CSMD1: variants seen among roughly 807,000 people sequenced by gnomAD.
CSMD1 encodes CUB and Sushi multiple domains 1, also known as CUB and sushi domain-containing protein 1.
A neutral mutation model predicts 417.5 loss-of-function variants in CSMD1; 213 were observed. The observed-to-expected ratio is 0.51, with a 90% CI of 0.46 to 0.57. CSMD1 has a LOEUF of 0.57. Ranked by LOEUF, CSMD1 falls within the 20% of genes least tolerant of loss-of-function variation. CSMD1 has a pLI of 0.00. For synonymous variants in CSMD1, 2,862 were observed against 1,736.8 expected, an observed-to-expected ratio of 1.65 and a Z score of -16.11; for missense variants, 6,923 against 4,529.7, an observed-to-expected ratio of 1.53 and a Z score of -15.17.
At position 3,438,872 on chromosome 8, in the gene CSMD1, T is replaced by C. The variant is rs921919882; in HGVS notation, c.1562-29267A>G. Among the ~76,000 whole-genome samples the C allele has an allele frequency of 4.6e-5, 7 of 151,732 alleles. 1 individual carries two copies. Among genetic ancestry groups the C allele is most frequent in the Non-Finnish European group, 8.8e-5 (6 of 67,966 alleles). ...GGCTTGCACCTGTAATCCCAGCACT[T>C]TGGGAGGCCAAGGCAGGTGGATCAC... On this transcript the variant is annotated intron_variant, in intron 12 of 69. Transcript: ENST00000635120.
At chr8:4,291,476 TCTA>T (rs918983232) in intron 3 of CSMD1, among the ~76,000 whole-genome samples, 4 of 152,158 alleles carry the variant, frequency 2.6e-5, no homozygotes, top group Non-Finnish European at 5.9e-5. Flanking sequence ...TTCTTTTTTA[TCTA>T]CTAATTCCCA....
chr8:4,212,245 A>G (rs577043678), intron 3 of CSMD1, among the ~76,000 whole-genome samples: 2 of 151,480 alleles, frequency 1.3e-5, no homozygotes, highest in East Asian at 3.9e-4. Flanking sequence ...CTAATTTTGC[A>G]TCCTTTAACT....
At chr8:3,890,114 T>C (rs1806857832) in intron 5 of CSMD1, among the ~76,000 whole-genome samples, 1 of 152,222 alleles carries the variant, frequency 6.6e-6, no homozygotes, top group Non-Finnish European at 1.5e-5. Context: ...TCTGATAATA[T>C]AACTTTGATA....
At chr8:4,254,989 C>G (rs1803354322) in intron 3 of CSMD1, among the ~76,000 whole-genome samples, 1 of 152,166 alleles carries the variant, frequency 6.6e-6, no homozygotes, top group Non-Finnish European at 1.5e-5. Flanking sequence ...AGCACTAAAT[C>G]CAGAAGATCA....
chr8:2,966,729 G>T lies in CSMD1; in HGVS notation c.8941C>A (p.Pro2981Thr). The T allele has an allele frequency of 6.2e-7, 1 of 1,613,436 alleles. No homozygotes were observed. The highest frequency in any genetic ancestry group is 1.1e-5 in the South Asian group (1 of 90,940). ...ATCATTCCGTTGGTGGGTGTGCCAG[G>T]GTTGCCACAGGACACGGCTGTTAGG... is the stretch of plus-strand genomic sequence containing the variant. Reference protein sequence around the residue: ...PVCEAVSCGNPGTPTNGMIVS... With the variant: ...PVCEAVSCGNTGTPTNGMIVS... The change falls in exon 58 of 70, where the codon CCT becomes ACT. Residue 2981 changes from proline to threonine, a missense_variant. Transcript: ENST00000635120.
intron 3 of CSMD1, 140 bp downstream of exon 3, chr8:4,419,813 T>G: frequency 1.9e-6 from 1 of 527,652 alleles, no homozygotes; most frequent in Non-Finnish European, 3.5e-6. Flanking sequence ...CAAATGCCAT[T>G]GCATTACACA....
rs945593119 is a variant in CSMD1, at chr8:4,137,427, T to A, written c.416-105328A>T. Reference sequence around the variant, plus strand: ...AAAAGTTATCGCTTGTGTTTAATAATGAAATTAAATATATTGTCAAAATAG... The same window carrying A: ...AAAAGTTATCGCTTGTGTTTAATAAAGAAATTAAATATATTGTCAAAATAG... On this transcript the variant is annotated intron_variant, in intron 3 of 69. Transcript: ENST00000635120. 2.2e-5 allele frequency among the ~76,000 whole-genome samples: 3 copies of A among 134,098 alleles called. 1 individual carries two copies. Among genetic ancestry groups the A allele is most frequent in the African/African-American group, 7.4e-5 (3 of 40,766 alleles). The allele number at this position is 134,098 out of a possible 152,430, so 88.0% of individuals were successfully genotyped here.
At chr8:3,244,313 G>A (rs544464988) in intron 26 of CSMD1, among the ~76,000 whole-genome samples, 4 of 152,200 alleles carry the variant, frequency 2.6e-5, no homozygotes, top group East Asian at 1.9e-4. Context: ...GTCAGGCTGC[G>A]GCAATTTAGG....
chr8:4,989,230 C>T (rs1325742984), intron 1 of CSMD1, among the ~76,000 whole-genome samples: 1 of 152,156 alleles, frequency 6.6e-6, no homozygotes, highest in African/African-American at 2.4e-5. Context: ...ACATCTATTT[C>T]TATTTCTTTG....
intron 5 of CSMD1, among the ~76,000 whole-genome samples, chr8:3,848,467 T>G (rs1032339226): frequency 6.6e-6 from 1 of 151,292 alleles, no homozygotes; most frequent in African/African-American, 2.4e-5. Context: ...TCTGAGTACT[T>G]AATTCAGTTA....
At chr8:4,550,249 C>G (rs1392440723) in intron 2 of CSMD1, among the ~76,000 whole-genome samples, 1 of 151,810 alleles carries the variant, frequency 6.6e-6, no homozygotes, top group Non-Finnish European at 1.5e-5. Context: ...TTTTGCTTCT[C>G]ATTTCCATGG....
intron 23 of CSMD1, among the ~76,000 whole-genome samples, chr8:3,325,829 A>G (rs547835739): frequency 6.6e-6 from 1 of 152,304 alleles, no homozygotes; most frequent in South Asian, 2.1e-4. Context: ...GTCTCAAACA[A>G]AAACAAAAAC....
chr8:4,988,645 C>T (rs936770042), intron 1 of CSMD1, among the ~76,000 whole-genome samples: 5 of 152,168 alleles, frequency 3.3e-5, no homozygotes, highest in Non-Finnish European at 7.4e-5. Context: ...CAAAATCTCT[C>T]ATCTTCATAG....
chr8:3,001,141 C>T (rs1175128211), intron 52 of CSMD1, among the ~76,000 whole-genome samples: 1 of 151,998 alleles, frequency 6.6e-6, no homozygotes, highest in African/African-American at 2.4e-5. Flanking sequence ...TACATGCTGC[C>T]ATGCCTGAGT....
chr8:4,450,980 G>A (rs1563188522), intron 2 of CSMD1, among the ~76,000 whole-genome samples: 2 of 151,698 alleles, frequency 1.3e-5, no homozygotes, highest in Non-Finnish European at 2.9e-5. Context: ...TTATATTTGG[G>A]TACTGAATTG....
rs549116040 is a variant in CSMD1 at position 4,425,716 on chromosome 8, C to T, written c.303-5651G>A. On this transcript the variant is annotated intron_variant, in intron 2 of 69. Transcript: ENST00000635120. ...CTTATTTTCAACACATAGTAAATTA[C>T]GAAACATTTTGAAGTAAAATGGATT... Among the ~76,000 whole-genome samples, 21 of 152,178 alleles carry T rather than the reference C, an allele frequency of 1.4e-4. No individual in the cohort carries two copies. In the South Asian group the frequency reaches 1.7e-3, roughly 12 times the overall value.
intron 50 of CSMD1, among the ~76,000 whole-genome samples, chr8:3,050,446 G>A (rs534041130): frequency 6.6e-6 from 1 of 152,136 alleles, no homozygotes; most frequent in Non-Finnish European, 1.5e-5. Flanking sequence ...CAGGCTGTGT[G>A]CAAAAGAAAC....
chr8:4,325,408 G>A (rs748296006), intron 3 of CSMD1, among the ~76,000 whole-genome samples: 7 of 152,124 alleles, frequency 4.6e-5, no homozygotes, highest in Non-Finnish European at 1.5e-5. Context: ...ATCTGCCTTA[G>A]AAGGAACTCT....
intron 3 of CSMD1, among the ~76,000 whole-genome samples, chr8:4,317,766 C>G (rs573476752): frequency 6.6e-6 from 1 of 152,062 alleles, no homozygotes; most frequent in African/African-American, 2.4e-5. Flanking sequence ...TTCCACACTG[C>G]CCCAGAAGTT....
Sources: gnomAD v4.1 joint callset for allele counts (sites outside exome capture counted in the v4.1 genomes callset) on GRCh38, gnomAD v4.1.1 for gene constraint, MANE v1.5 for transcripts, NCBI Gene and HGNC (gene_info 2026-07-23, HGNC 2026-07-21) for gene names.